Variants in CXXC5 observed in about 807,000 individuals in gnomAD.
CXXC5 encodes the protein CXXC finger protein 5, also known as CXXC-type zinc finger protein 5.
In CXXC5, 2 loss-of-function variants were observed where a neutral mutation model predicts 17.6. The ratio of observed to expected loss-of-function variants is 0.11; its 90% CI spans 0.05 to 0.36. CXXC5 has a LOEUF of 0.36. Among genes scored for constraint, CXXC5 ranks in the 10% least tolerant of loss-of-function variants. The probability of loss-of-function intolerance (pLI) is 1.00; values close to 1 mark genes in which losing one functional copy is unlikely to be tolerated. For missense variants in CXXC5, 343 were observed against 458.3 expected, an observed-to-expected ratio of 0.75 and a Z score of 2.30; for synonymous variants, 171 against 193.0, an observed-to-expected ratio of 0.89 and a Z score of 0.94.
chr5:139,681,564 TC>T, intron 2 of CXXC5, 117 bp downstream of exon 2: 5 of 566,908 alleles, frequency 8.8e-6, no homozygotes, highest in Non-Finnish European at 1.2e-5. Context: ...GGATGCCCCC[TC>T]CCAGTCCTTG....
At chr5:139,665,502 T>G (rs1756060997) in intron 1 of CXXC5, 1 of 152,304 alleles carries the variant, frequency 6.6e-6, no homozygotes, top group Non-Finnish European at 1.5e-5. Flanking sequence ...TGGTAAAACC[T>G]AACCCCCAGT....
intron 1 of CXXC5, among the ~76,000 whole-genome samples, chr5:139,662,726 G>A (rs889742336): frequency 6.6e-6 from 1 of 152,186 alleles, no homozygotes; most frequent in Non-Finnish European, 1.5e-5. Context: ...GGCCAGTCAG[G>A]AAACTGGATG....
At chr5:139,660,668 A>T (rs978873515) in intron 1 of CXXC5, among the ~76,000 whole-genome samples, 4 of 148,980 alleles carry the variant, frequency 2.7e-5, no homozygotes, top group African/African-American at 9.9e-5. Flanking sequence ...TGGGCTCCTC[A>T]GCCTTCCCCT....
intron 1 of CXXC5, among the ~76,000 whole-genome samples, chr5:139,677,532 G>A (rs1452306221): frequency 6.6e-6 from 1 of 152,204 alleles, no homozygotes; most frequent in African/African-American, 2.4e-5. Context: ...AGATGTTCAT[G>A]TCTGTCTACT....
chr5:139,661,880 G>T lies in CXXC5; in HGVS notation c.-161+13035G>T, dbSNP rs1262693095. Among the ~76,000 whole-genome samples the T allele has an allele frequency of 6.6e-6, 1 of 152,270 alleles. No individual in the cohort carries two copies. The highest frequency in any genetic ancestry group is 2.4e-5 in the African/African-American group (1 of 41,470). On this transcript the variant is annotated intron_variant, in intron 1 of 2. Coordinates refer to ENST00000302517, the MANE Select transcript of CXXC5 (RefSeq NM_016463.9). The surrounding 1 kb of genome is among the most constrained non-coding windows in gnomAD (Gnocchi z 4.7). ...TGCCCTCTCTGGGGAGGAGGTCCAAGTATCAGGCATGAGAGTGTTAAACCC... is the reference window on the plus strand; with the variant it reads ...TGCCCTCTCTGGGGAGGAGGTCCAATTATCAGGCATGAGAGTGTTAAACCC...
chr5:139,675,663 C>T (rs1756741836), intron 1 of CXXC5: 1 of 152,234 alleles, frequency 6.6e-6, no homozygotes, highest in Admixed American at 6.5e-5. Flanking sequence ...GGTTCAAGCT[C>T]TACCCCTGCT....
rs536463722 is a variant in CXXC5 at position 139,670,508 on chromosome 5, A to G, written c.-160-9856A>G. ...GCTGGCACCAGTTCCTGTCTACACC[A>G]TCCCCGTCCCAGTAGGGCCCCAGAC... On this transcript the variant is annotated intron_variant, in intron 1 of 2. Transcript: ENST00000302517. The surrounding 1 kb of genome is among the most constrained non-coding windows in gnomAD (Gnocchi z 4.2). 2.8e-4 allele frequency among the ~76,000 whole-genome samples: 43 copies of G among 152,238 alleles called. 1 individual carries two copies. The highest frequency in any genetic ancestry group is 9.9e-4 in the African/African-American group (41 of 41,538).
At chr5:139,667,908 C>A (rs946205871) in intron 1 of CXXC5, among the ~76,000 whole-genome samples, 1 of 152,200 alleles carries the variant, frequency 6.6e-6, no homozygotes, top group African/African-American at 2.4e-5. Context: ...AGGGCCCCAG[C>A]AGCTGCGGTG....
chr5:139,679,830 T>A (rs1342761332), intron 1 of CXXC5: 7 of 152,346 alleles, frequency 4.6e-5, no homozygotes, highest in African/African-American at 7.2e-5. Context: ...CCTGGTTAAC[T>A]TTTGTATTTT....
At chr5:139,677,680 C>T (rs1756931632) in intron 1 of CXXC5, among the ~76,000 whole-genome samples, 1 of 152,214 alleles carries the variant, frequency 6.6e-6, no homozygotes, top group South Asian at 2.1e-4. Flanking sequence ...TGGTCCCAAG[C>T]TCAGTATGTC....
At chr5:139,673,859 A>AGG in intron 1 of CXXC5, among the ~76,000 whole-genome samples, 2 of 147,916 alleles carry the variant, frequency 1.4e-5, no homozygotes, top group Non-Finnish European at 3.0e-5. Flanking sequence ...AAAAAAAGAG[A>AGG]GAGAGAAAAC....
In CXXC5 at chr5:139,683,120, A is replaced by G; in HGVS notation, c.*213A>G. The G allele has an allele frequency of 2.5e-6, 1 of 406,442 alleles. No individual in the cohort carries two copies. Among genetic ancestry groups the G allele is most frequent in the Non-Finnish European group, 4.3e-6 (1 of 235,076 alleles). 25.2% of individuals were successfully genotyped at this position (406,442 alleles called of 1,614,324 possible). A position where few individuals can be genotyped will look rare whatever the true frequency, so the allele number is the denominator to read the frequency against. On this transcript the variant is annotated 3_prime_UTR_variant, in exon 3 of 3. Coordinates refer to ENST00000302517, the MANE Select transcript of CXXC5 (RefSeq NM_016463.9). ...TAAAAAGAAAAAGAAAAAAATTTAAACTGCTTTTTCGGAAGAACAACAACA... is the reference window on the plus strand; with the variant it reads ...TAAAAAGAAAAAGAAAAAAATTTAAGCTGCTTTTTCGGAAGAACAACAACA...
rs1756259417 is a variant in CXXC5, at chr5:139,668,556, A to G, written c.-160-11808A>G. 6.6e-6 allele frequency among the ~76,000 whole-genome samples: 1 copy of G among 151,872 alleles called. No homozygotes were observed. The highest frequency in any genetic ancestry group is 2.4e-5 in the African/African-American group (1 of 41,304). ...TGCCGTTCTGGGGCCTGTGCCCCAG[A>G]GCTGGCCGCGTTTCTCGGGGCGGGA... On this transcript the variant is annotated intron_variant, in intron 1 of 2. Transcript: ENST00000302517. The surrounding 1 kb of genome is among the most constrained non-coding windows in gnomAD (Gnocchi z 4.1).
chr5:139,672,113 T>C (rs1756508055), intron 1 of CXXC5, among the ~76,000 whole-genome samples: 1 of 152,100 alleles, frequency 6.6e-6, no homozygotes, highest in Non-Finnish European at 1.5e-5. Context: ...ATTTATTTGT[T>C]TGTTTGTTTA....
intron 2 of CXXC5, 24 bp downstream of exon 2, chr5:139,681,471 G>A: frequency 3.3e-6 from 5 of 1,535,740 alleles, no homozygotes; most frequent in Non-Finnish European, 4.4e-6. Flanking sequence ...AGAGGGAGGT[G>A]TGTGGGCTCT....
intron 1 of CXXC5, among the ~76,000 whole-genome samples, chr5:139,675,853 G>A (rs1014983337): frequency 2.0e-5 from 3 of 152,128 alleles, no homozygotes; most frequent in African/African-American, 7.2e-5. Context: ...AGTAAATGCT[G>A]GTTGATAGGA....
intron 1 of CXXC5, among the ~76,000 whole-genome samples, chr5:139,666,828 C>T (rs1756140151): frequency 6.6e-6 from 1 of 152,202 alleles, no homozygotes; most frequent in Non-Finnish European, 1.5e-5. Flanking sequence ...CTGACTGAGA[C>T]TGTGCTGTGG....
chr5:139,680,394 C>A lies in CXXC5; in HGVS notation c.-130C>A. 2 of 1,325,314 alleles carry A rather than the reference C, an allele frequency of 1.5e-6. No individual in the cohort carries two copies. Among genetic ancestry groups the A allele is most frequent in the Non-Finnish European group, 2.0e-6 (2 of 997,422 alleles). The allele number at this position is 1,325,314 out of a possible 1,614,324, so 82.1% of individuals were successfully genotyped here. On this transcript the variant is annotated 5_prime_UTR_variant, in exon 2 of 3. Coordinates refer to ENST00000302517, the MANE Select transcript of CXXC5 (RefSeq NM_016463.9). ...AGACATTTCCACCTGGACACCTGAC[C>A]ATGTGCCTGCCCTGAGCAGCGAGGC...
rs1330868721 is a variant in CXXC5, at chr5:139,663,637, C to T, written c.-161+14792C>T. 1.3e-5 allele frequency among the ~76,000 whole-genome samples: 2 copies of T among 152,116 alleles called. No homozygotes were observed. Among genetic ancestry groups the T allele is most frequent in the African/African-American group, 4.8e-5 (2 of 41,410 alleles). ...GGGAAACTGAGGCATGAAGGATTGCCTCAGAGCTCAAAAGCAAATGGTGAG... is the reference window on the plus strand; with the variant it reads ...GGGAAACTGAGGCATGAAGGATTGCTTCAGAGCTCAAAAGCAAATGGTGAG... On this transcript the variant is annotated intron_variant, in intron 1 of 2. Transcript: ENST00000302517. This position sits in a 1 kb window ranked among gnomAD's most constrained non-coding sequence, Gnocchi z 4.2.
Sources: gnomAD v4.1 joint callset for allele counts (sites outside exome capture counted in the v4.1 genomes callset) on GRCh38, gnomAD v4.1.1 for gene constraint, Gnocchi (gnomAD v3.1) non-coding constraint, MANE v1.5 for transcripts, NCBI Gene and HGNC (gene_info 2026-07-23, HGNC 2026-07-21) for gene names.